NSL1: variants seen among roughly 807,000 people sequenced by gnomAD.
NSL1 encodes the protein NSL1 component of MIS12 kinetochore complex, also known as kinetochore-associated protein NSL1 homolog.
In NSL1, 11 loss-of-function variants were observed where a neutral mutation model predicts 25.4. That is an observed-to-expected ratio of 0.43 (90% CI 0.27 to 0.72). NSL1 has a LOEUF of 0.72. Ranked by LOEUF, NSL1 falls within the 30% of genes least tolerant of loss-of-function variation. The pLI, the probability that NSL1 is intolerant of heterozygous loss-of-function variation, is 0.19. For synonymous variants in NSL1, 118 were observed against 120.6 expected, an observed-to-expected ratio of 0.98 and a Z score of 0.14; for missense variants, 330 against 342.7, an observed-to-expected ratio of 0.96 and a Z score of 0.29.
chr1:212,787,624 G>A lies in NSL1; in HGVS notation c.248C>T (p.Ala83Val). ...ATTAATGCTGATATTCTCTTGCACAGCTGATTCAAAAGTCTGCAATAAATT... is the reference window on the plus strand; with the variant it reads ...ATTAATGCTGATATTCTCTTGCACAACTGATTCAAAAGTCTGCAATAAATT... Reference protein sequence around the residue: ...LRDAQWTFESAVQENISINGQ... With the variant: ...LRDAQWTFESVVQENISINGQ... The change falls in exon 2 of 6, where the codon GCT becomes GTT. Residue 83 changes from alanine to valine, a missense_variant. Physicochemically the swap from Ala to Val is moderately conservative, Grantham distance 64 (BLOSUM62 0). Transcript: ENST00000366977. 7.5e-6 allele frequency: 12 copies of A among 1,598,594 alleles called. No homozygotes were observed. The highest frequency in any genetic ancestry group is 1.0e-5 in the Non-Finnish European group (12 of 1,173,386).
chr1:212,759,525 T>C (rs759273279), intron 4 of NSL1, among the ~76,000 whole-genome samples: 1 of 152,072 alleles, frequency 6.6e-6, no homozygotes, highest in Non-Finnish European at 1.5e-5. Context: ...GCCCTAAGAC[T>C]AGTATAGGGA....
intron 4 of NSL1, among the ~76,000 whole-genome samples, chr1:212,749,807 A>G (rs1658979780): frequency 6.6e-6 from 1 of 151,884 alleles, no homozygotes; most frequent in Admixed American, 6.6e-5. Context: ...AAAAGTGCTA[A>G]GAGTAGTTTG....
At chr1:212,754,878 C>T (rs1558047353) in intron 4 of NSL1, among the ~76,000 whole-genome samples, 1 of 151,976 alleles carries the variant, frequency 6.6e-6, no homozygotes, top group African/African-American at 2.4e-5. Context: ...GATAATGCCT[C>T]CAAGCCTGGG....
At chr1:212,740,103 T>G (rs761253884) in intron 4 of NSL1, among the ~76,000 whole-genome samples, 2 of 152,192 alleles carry the variant, frequency 1.3e-5, no homozygotes, top group Non-Finnish European at 2.9e-5. Flanking sequence ...TCTTTGCATA[T>G]TCAATGATAC....
rs1167257962 is a variant in NSL1 at position 212,738,704 on chromosome 1, G to C, written c.568-18C>G. ...GGCAAGGACTTCAAACAAACAAACAGTAATATTCAACATTAATCTCAGGTT... is the reference window on the plus strand; with the variant it reads ...GGCAAGGACTTCAAACAAACAAACACTAATATTCAACATTAATCTCAGGTT... On this transcript the variant is annotated intron_variant, in intron 5 of 5. Coordinates refer to ENST00000366977, the MANE Select transcript of NSL1 (RefSeq NM_015471.4). 1.3e-6 allele frequency: 2 copies of C among 1,592,040 alleles called. No individual in the cohort carries two copies. Among genetic ancestry groups the C allele is most frequent in the Non-Finnish European group, 1.7e-6 (2 of 1,163,428 alleles).
In NSL1 at chr1:212,778,034, G is replaced by A. The variant is rs930577941; in HGVS notation, c.499+4338C>T. 4.6e-5 allele frequency among the ~76,000 whole-genome samples: 7 copies of A among 152,290 alleles called. 1 individual carries two copies. Among genetic ancestry groups the A allele is most frequent in the Non-Finnish European group, 2.9e-5 (2 of 68,032 alleles). On this transcript the variant is annotated intron_variant, in intron 4 of 5. Coordinates refer to ENST00000366977, the MANE Select transcript of NSL1 (RefSeq NM_015471.4). ...AGAGATGACAATAACAAAATGAAGA[G>A]AAGTCAACGAATGTGAGATTATATT...
At chr1:212,790,644 C>T (rs1028061954) in intron 1 of NSL1, among the ~76,000 whole-genome samples, 1 of 152,012 alleles carries the variant, frequency 6.6e-6, no homozygotes, top group Non-Finnish European at 1.5e-5. Context: ...GTTAATAGGC[C>T]GGGCGAGGTG....
At chr1:212,791,449 C>T (rs1661256716) in intron 1 of NSL1, 81 bp downstream of exon 1, 1 of 1,305,860 alleles carries the variant, frequency 7.7e-7, no homozygotes, top group Non-Finnish European at 1.1e-6. Flanking sequence ...CAAGGCCTGG[C>T]GTGGGATCTT....
intron 4 of NSL1, among the ~76,000 whole-genome samples, chr1:212,750,398 A>G (rs1287938685): frequency 1.3e-5 from 2 of 152,090 alleles, no homozygotes; most frequent in African/African-American, 4.8e-5. Context: ...ACCAGGAAAC[A>G]CGATTTAAAA....
At chr1:212,777,210 C>T (rs1190952648) in intron 4 of NSL1, among the ~76,000 whole-genome samples, 1 of 151,156 alleles carries the variant, frequency 6.6e-6, no homozygotes, top group Admixed American at 6.6e-5. Context: ...TCCATCGCTA[C>T]AAAAAAAAAT....
At chr1:212,778,010 G>C (rs1307147269) in intron 4 of NSL1, among the ~76,000 whole-genome samples, 2 of 152,194 alleles carry the variant, frequency 1.3e-5, no homozygotes, top group Non-Finnish European at 2.9e-5. Flanking sequence ...ACCTAGAATA[G>C]AGATGACAAT....
chr1:212,752,454 G>GT (rs1160273878), intron 4 of NSL1, among the ~76,000 whole-genome samples: 2 of 152,270 alleles, frequency 1.3e-5, no homozygotes, highest in African/African-American at 4.8e-5. Context: ...AGAACTGGAA[G>GT]TATCATTAAG....
In NSL1 at chr1:212,791,562, T is replaced by C. The variant is rs1485932773; in HGVS notation, c.202A>G (p.Ile68Val). Residue 68 changes from isoleucine (I) to valine (V), a missense_variant, in exon 1 of 6, where the codon ATT becomes GTT. Coordinates refer to ENST00000366977, the MANE Select transcript of NSL1 (RefSeq NM_015471.4). ...GCATCTCGCAGAGCGGGCTCCCGAA[T>C]CTCCTCCGGCAGAGCGTCCCCGAGC... is the stretch of plus-strand genomic sequence containing the variant. ...QKLGDALPEE[I>V]REPALRDAQW... 1 of 1,613,738 alleles carries C rather than the reference T, an allele frequency of 6.2e-7. No individual in the cohort carries two copies. Among genetic ancestry groups the C allele is most frequent in the Non-Finnish European group, 8.5e-7 (1 of 1,179,996 alleles).
intron 1 of NSL1, among the ~76,000 whole-genome samples, chr1:212,790,407 T>C (rs1661150022): frequency 6.6e-6 from 1 of 152,192 alleles, no homozygotes; most frequent in African/African-American, 2.4e-5. Flanking sequence ...TTGAAAACTT[T>C]ACTAAGATCA....
intron 4 of NSL1, among the ~76,000 whole-genome samples, chr1:212,743,520 T>C (rs1458535632): frequency 1.3e-5 from 2 of 151,930 alleles, no homozygotes; most frequent in African/African-American, 4.8e-5. Flanking sequence ...CATTAACAGG[T>C]TCCATGTATA....
rs549687582 is a variant in NSL1 at position 212,780,461 on chromosome 1, C to A, written c.499+1911G>T. Among the ~76,000 whole-genome samples, 5 of 142,538 alleles carry A rather than the reference C, an allele frequency of 3.5e-5. No individual in the cohort carries two copies. In the East Asian group the frequency reaches 1.0e-3, roughly 29 times the overall value. 93.5% of individuals were successfully genotyped at this position (142,538 alleles called of 152,430 possible). On this transcript the variant is annotated intron_variant, in intron 4 of 5. Coordinates refer to ENST00000366977, the MANE Select transcript of NSL1 (RefSeq NM_015471.4). Reference sequence around the variant, plus strand: ...CCTCCACTATTGTCCTATGACCCTGCCAAATCCCCCTCTGTGAGAAACACC... The same window carrying A: ...CCTCCACTATTGTCCTATGACCCTGACAAATCCCCCTCTGTGAGAAACACC...
chr1:212,738,726 G>A, intron 5 of NSL1, 40 bp from the exon 6 acceptor site: 6 of 1,527,162 alleles, frequency 3.9e-6, no homozygotes, highest in Non-Finnish European at 5.4e-6. Context: ...ATTAATCTCA[G>A]GTTGAAACAC....
chr1:212,736,664 G>A lies in NSL1; in HGVS notation c.*1744C>T, dbSNP rs1658244787. ...GCTCTCAAGAGGATTTCAAATCTCA[G>A]CTGTCTGCCTGGGGACTTTAAAATA... is the stretch of plus-strand genomic sequence containing the variant. On this transcript the variant is annotated 3_prime_UTR_variant, in exon 6 of 6. Coordinates refer to ENST00000366977, the MANE Select transcript of NSL1 (RefSeq NM_015471.4). 1 of 984,688 alleles carries A rather than the reference G, an allele frequency of 1.0e-6. No homozygotes were observed. The highest frequency in any genetic ancestry group is 1.2e-6 in the Non-Finnish European group (1 of 829,278). 61.0% of individuals were successfully genotyped at this position (984,688 alleles called of 1,614,324 possible).
At chr1:212,788,454 G>T (rs1661042423) in intron 1 of NSL1, among the ~76,000 whole-genome samples, 1 of 152,070 alleles carries the variant, frequency 6.6e-6, no homozygotes, top group Non-Finnish European at 1.5e-5. Context: ...GGATATATGG[G>T]TGTCCACTGT....
Sources: allele counts gnomAD v4.1 joint callset (sites outside exome capture counted in the v4.1 genomes callset), GRCh38; gene constraint gnomAD v4.1.1; transcripts MANE v1.5; gene names NCBI Gene and HGNC (gene_info 2026-07-23, HGNC 2026-07-21).